Variants in SLC25A25 observed in about 807,000 individuals in gnomAD.
SLC25A25 encodes the protein solute carrier family 25 member 25, also known as mitochondrial adenyl nucleotide antiporter SLC25A25.
Under a neutral mutation model 57.7 loss-of-function variants are expected in SLC25A25, and 32 were observed. The ratio of observed to expected loss-of-function variants is 0.55; its 90% CI spans 0.42 to 0.74. The LOEUF (loss-of-function observed/expected upper bound fraction) is 0.74, where lower values mean the gene tolerates loss of function less well. Among genes scored for constraint, SLC25A25 ranks in the 30% least tolerant of loss-of-function variants. The pLI, the probability that SLC25A25 is intolerant of heterozygous loss-of-function variation, is 0.00. For synonymous variants in SLC25A25, 306 were observed against 291.2 expected (o/e 1.05, Z -0.52); for missense variants, 556 against 701.3 (o/e 0.79, Z 2.34).
chr9:128,105,159 T>C (rs1362759966), intron 6 of SLC25A25, among the ~76,000 whole-genome samples: 2 of 1,508 alleles, frequency 1.3e-3, no homozygotes, highest in East Asian at 0.05. Flanking sequence ...ACTCCCGGCC[T>C]TTTTTTTTTT....
chr9:128,080,323 C>T (rs1270726076), intron 1 of SLC25A25, among the ~76,000 whole-genome samples: 1 of 146,204 alleles, frequency 6.8e-6, no homozygotes, highest in Non-Finnish European at 1.5e-5. Context: ...GCACTTCTGC[C>T]TGGGTGACAG....
intron 1 of SLC25A25, chr9:128,098,650 C>T (rs779581284): frequency 1.3e-4 from 205 of 1,614,024 alleles, no homozygotes; most frequent in Non-Finnish European, 1.6e-4. Flanking sequence ...GGCTCCCTGC[C>T]GAGCTGAAGT....
At chr9:128,096,549 G>C (rs901079087) in intron 1 of SLC25A25, among the ~76,000 whole-genome samples, 3 of 152,138 alleles carry the variant, frequency 2.0e-5, no homozygotes, top group Non-Finnish European at 4.4e-5. Context: ...TTGTCCATTT[G>C]AATATAATGC....
chr9:128,096,376 G>A (rs1360241126), intron 1 of SLC25A25, among the ~76,000 whole-genome samples: 3 of 152,182 alleles, frequency 2.0e-5, no homozygotes, highest in Non-Finnish European at 4.4e-5. Flanking sequence ...AGGCGTGGTG[G>A]TGGGCGCCTA....
Position 128,101,988 on chromosome 9 carries a change from C to A in SLC25A25, c.477-92C>A. ...GTCTCGTGCCGTGCTGTGCCCCTGT[C>A]TCTGGGTGTGTGCTTGCTTCACTAA... On this transcript the variant is annotated intron_variant, in intron 3 of 10. Coordinates refer to ENST00000373069, the MANE Select transcript of SLC25A25 (RefSeq NM_001330988.2). The surrounding 1 kb of genome is among the most constrained non-coding windows in gnomAD (Gnocchi z 4.9). The A allele has an allele frequency of 3.5e-6, 5 of 1,445,848 alleles. No homozygotes were observed. The highest frequency in any genetic ancestry group is 4.7e-6 in the Non-Finnish European group (5 of 1,053,960). 89.6% of individuals were successfully genotyped at this position (1,445,848 alleles called of 1,614,324 possible). A position where few individuals can be genotyped will look rare whatever the true frequency, so the allele number is the denominator to read the frequency against.
At position 128,091,823 on chromosome 9, in the gene SLC25A25, C is replaced by G. The variant is rs776244074; in HGVS notation, c.262-9273C>G. The G allele has an allele frequency of 1.9e-6, 3 of 1,556,176 alleles. No individual in the cohort carries two copies. The African/African-American group carries it at 4.1e-5, about 21-fold the overall frequency. ...GAGAGCGTTGGTACTGTGGTCACATCCCTCAAAAGTGAACAGTCGCCATCA... is the reference window on the plus strand; with the variant it reads ...GAGAGCGTTGGTACTGTGGTCACATGCCTCAAAAGTGAACAGTCGCCATCA... On this transcript the variant is annotated intron_variant, in intron 1 of 10. Coordinates refer to ENST00000373069, the MANE Select transcript of SLC25A25 (RefSeq NM_001330988.2).
chr9:128,085,811 A>G (rs1228485131), intron 1 of SLC25A25, among the ~76,000 whole-genome samples: 2 of 152,070 alleles, frequency 1.3e-5, no homozygotes, highest in African/African-American at 4.8e-5. Context: ...CTCCTTTGAC[A>G]TATCACGTGA....
rs1833893335 is a variant in SLC25A25, at chr9:128,103,555, A to G, written c.625-126A>G. 1.7e-6 allele frequency: 2 copies of G among 1,153,634 alleles called. No homozygotes were observed. The highest frequency in any genetic ancestry group is 2.5e-6 in the Non-Finnish European group (2 of 797,142). 71.5% of individuals were successfully genotyped at this position (1,153,634 alleles called of 1,614,324 possible). On this transcript the variant is annotated intron_variant, in intron 5 of 10. Coordinates refer to ENST00000373069, the MANE Select transcript of SLC25A25 (RefSeq NM_001330988.2). The surrounding 1 kb of genome is among the most constrained non-coding windows in gnomAD (Gnocchi z 6.7). ...AGACCCCAGCCCGCTTCCCACCCAG[A>G]GTCCTTGGCCTTCTCCCTGTCCTGT...
At chr9:128,076,566 C>T (rs572617210) in intron 1 of SLC25A25, among the ~76,000 whole-genome samples, 1 of 151,156 alleles carries the variant, frequency 6.6e-6, no homozygotes, top group African/African-American at 2.4e-5. Context: ...CCTGGGTTCA[C>T]GCCATTCTCC....
chr9:128,068,279 C>G lies in SLC25A25; in HGVS notation c.-41C>G. 4 of 1,214,068 alleles carry G rather than the reference C, an allele frequency of 3.3e-6. No homozygotes were observed. The highest frequency in any genetic ancestry group is 4.2e-6 in the Non-Finnish European group (4 of 957,116). 75.2% of individuals were successfully genotyped at this position (1,214,068 alleles called of 1,614,324 possible). A position where few individuals can be genotyped will look rare whatever the true frequency, so the allele number is the denominator to read the frequency against. On this transcript the variant is annotated 5_prime_UTR_variant, in exon 1 of 11. Transcript: ENST00000373069. The stretch of plus-strand genomic sequence containing the variant: ...CGCGCGGTCACCGCCGGCCCGCCGC[C>G]CCCGCTCCCGCCCGCGCCCGGAGCC...
At position 128,101,884 on chromosome 9, in the gene SLC25A25, C is replaced by G. The variant is rs1833811826; in HGVS notation, c.477-196C>G. On this transcript the variant is annotated intron_variant, in intron 3 of 10. Transcript: ENST00000373069. The surrounding 1 kb of genome is among the most constrained non-coding windows in gnomAD (Gnocchi z 4.9). ...GGAGTTGCCGTCTGTCCTGGCTGGACCTTCCGGAAACCCTGCGGTCTGAAC... is the reference window on the plus strand; with the variant it reads ...GGAGTTGCCGTCTGTCCTGGCTGGAGCTTCCGGAAACCCTGCGGTCTGAAC... Among the ~76,000 whole-genome samples, 1 of 152,222 alleles carries G rather than the reference C, an allele frequency of 6.6e-6. No individual in the cohort carries two copies. The highest frequency in any genetic ancestry group is 1.5e-5 in the Non-Finnish European group (1 of 68,034).
chr9:128,071,853 A>C (rs1048335966), intron 1 of SLC25A25, among the ~76,000 whole-genome samples: 3 of 151,566 alleles, frequency 2.0e-5, no homozygotes, highest in Non-Finnish European at 4.4e-5. Flanking sequence ...CTGGGATTAC[A>C]GGCGCCCGCC....
intron 7 of SLC25A25, 92 bp downstream of exon 7, chr9:128,105,973 T>C (rs1341865085): frequency 1.3e-5 from 21 of 1,560,932 alleles, no homozygotes; most frequent in Non-Finnish European, 1.5e-5. Context: ...CCCTGACACT[T>C]GGAGCCAGCC....
At chr9:128,076,769 T>C (rs1485870517) in intron 1 of SLC25A25, among the ~76,000 whole-genome samples, 2 of 152,140 alleles carry the variant, frequency 1.3e-5, no homozygotes, top group Non-Finnish European at 2.9e-5. Flanking sequence ...CACCCGGCCC[T>C]AACTTTTTGT....
At position 128,101,609 on chromosome 9, in the gene SLC25A25, C is replaced by G. The variant is rs1309766656; in HGVS notation, c.476+213C>G. 6.6e-6 allele frequency among the ~76,000 whole-genome samples: 1 copy of G among 152,094 alleles called. No homozygotes were observed. Among genetic ancestry groups the G allele is most frequent in the Non-Finnish European group, 1.5e-5 (1 of 68,024 alleles). ...AATCACAGATCACCTGGAATTTTGC[C>G]CATCGGCCAGTGGCCCATGAAGGGA... is the stretch of plus-strand genomic sequence containing the variant. On this transcript the variant is annotated intron_variant, in intron 3 of 10. Coordinates refer to ENST00000373069, the MANE Select transcript of SLC25A25 (RefSeq NM_001330988.2). This position sits in a 1 kb window ranked among gnomAD's most constrained non-coding sequence, Gnocchi z 4.9.
Position 128,101,194 on chromosome 9 carries a change from G to A in SLC25A25, c.360G>A (p.Val120=), listed in dbSNP as rs1248879895. The stretch of plus-strand genomic sequence containing the variant: ...ATCATGAGAAGAAGCTGAGGCTGGT[G>A]TTTAAGAGTTTGGACAAAAAGAATG... ...LQDHEKKLRL[V]FKSLDKKNDG... Residue 120 remains valine, a synonymous_variant, in exon 2 of 11, where the codon GTG becomes GTA. Coordinates refer to ENST00000373069, the MANE Select transcript of SLC25A25 (RefSeq NM_001330988.2). This position sits in a 1 kb window ranked among gnomAD's most constrained non-coding sequence, Gnocchi z 4.9. 1 of 1,614,276 alleles carries A rather than the reference G, an allele frequency of 6.2e-7. No individual in the cohort carries two copies. The highest frequency in any genetic ancestry group is 1.3e-5 in the African/African-American group (1 of 75,074).
chr9:128,085,537 G>A (rs1409046693), intron 1 of SLC25A25, among the ~76,000 whole-genome samples: 1 of 152,116 alleles, frequency 6.6e-6, no homozygotes, highest in Non-Finnish European at 1.5e-5. Flanking sequence ...ATCGATTCCT[G>A]TCTTAGGTGC....
At position 128,076,236 on chromosome 9, in the gene SLC25A25, A is replaced by G. The variant is rs143806280; in HGVS notation, c.261+7656A>G. The stretch of plus-strand genomic sequence containing the variant: ...AGCTTTGACCTCCCAGACTCAATCT[A>G]TCCTCCCACTCAGCCTCCCAGGTAG... On this transcript the variant is annotated intron_variant, in intron 1 of 10. Coordinates refer to ENST00000373069, the MANE Select transcript of SLC25A25 (RefSeq NM_001330988.2). Among the ~76,000 whole-genome samples the G allele has an allele frequency of 8.5e-4, 130 of 152,048 alleles. 1 individual carries two copies. The highest frequency in any genetic ancestry group is 2.8e-3 in the African/African-American group (116 of 41,496).
intron 1 of SLC25A25, chr9:128,090,971 G>A (rs983433935): frequency 7.9e-5 from 12 of 152,198 alleles, no homozygotes; most frequent in African/African-American, 2.4e-4. Context: ...TCGGTCTACA[G>A]ACTTAATCTG....
Sources: allele counts gnomAD v4.1 joint callset (sites outside exome capture counted in the v4.1 genomes callset), GRCh38; gene constraint gnomAD v4.1.1; non-coding constraint Gnocchi (gnomAD v3.1); transcripts MANE v1.5; gene names NCBI Gene and HGNC (gene_info 2026-07-23, HGNC 2026-07-21).